Variants in ERMARD observed in about 807,000 individuals in gnomAD.
The protein encoded by ERMARD is endoplasmic reticulum membrane-associated RNA degradation protein.
A neutral mutation model predicts 83.9 loss-of-function variants in ERMARD; 71 were observed. The ratio of observed to expected loss-of-function variants is 0.85; its 90% confidence interval spans 0.70 to 1.03. The LOEUF is 1.03. ERMARD is among the 50% of genes least tolerant of loss of function. ERMARD has a pLI of 0.00. For missense variants in ERMARD, 838 were observed against 810.9 expected (o/e 1.03, Z -0.41); for synonymous variants, 284 against 298.6 (o/e 0.95, Z 0.50).
At chr6:169,773,010 T>C (rs1358182356) in intron 12 of ERMARD, 1 of 299,702 alleles carries the variant, frequency 3.3e-6, no homozygotes, top group African/African-American at 2.1e-5. Context: ...TTTAAGTAAC[T>C]ATTTCCTAGT....
intron 14 of ERMARD, 52 bp from the exon 15 acceptor site, chr6:169,775,888 T>G: frequency 6.2e-7 from 1 of 1,601,300 alleles, no homozygotes. Flanking sequence ...GCACAGGCAC[T>G]GATGTGAGCA....
intron 8 of ERMARD, among the ~76,000 whole-genome samples, chr6:169,761,656 T>G (rs1408967974): frequency 1.4e-5 from 2 of 140,596 alleles, no homozygotes; most frequent in Non-Finnish European, 3.1e-5. Context: ...AGTGAAACTT[T>G]TGTTCTATGT....
intron 16 of ERMARD, among the ~76,000 whole-genome samples, 166 bp from the exon 17 acceptor site, chr6:169,779,016 A>C (rs926890174): frequency 6.6e-6 from 1 of 152,276 alleles, no homozygotes; most frequent in Non-Finnish European, 1.5e-5. Flanking sequence ...CCTGCCGGCC[A>C]CGGGCCTCGG....
chr6:169,751,472 C>T, upstream of ERMARD: 1 of 1,612,920 alleles, frequency 6.2e-7, no homozygotes, highest in Non-Finnish European at 8.5e-7. Context: ...GCTCTGTTCT[C>T]CAAGACGCCC....
rs537038839 is a variant in ERMARD at position 169,781,376 on chromosome 6, A to C, written c.1900A>C (p.Thr634Pro). 11 of 1,612,698 alleles carry C rather than the reference A, an allele frequency of 6.8e-6. No homozygotes were observed. The Admixed American group carries it at 8.4e-5, about 12-fold the overall frequency. Reference sequence around the variant, plus strand: ...GTACACGGAGAACCTGGTGGCTTACACCAGTTACGAAAAGAACAAGTGGAA... The same window carrying C: ...GTACACGGAGAACCTGGTGGCTTACCCCAGTTACGAAAAGAACAAGTGGAA... The part of the protein sequence containing the change: ...LQYTENLVAY[T>P]SYEKNKWNET... Residue 634 changes from threonine to proline, a missense_variant, in exon 18 of 18, where the codon ACC becomes CCC. Coordinates refer to ENST00000366773, the MANE Select transcript of ERMARD (RefSeq NM_018341.3).
Position 169,776,515 on chromosome 6 carries a change from G to T in ERMARD, c.1581G>T (p.Arg527Ser). The change falls in exon 16 of 18, where the codon AGG becomes AGT. Residue 527 changes from arginine (R) to serine (S), a missense_variant. Arg to Ser is a moderately radical substitution (Grantham distance 110). Transcript: ENST00000366773. ...STPVPTLFCP[R>S]IVLEVLVVLR... ...CTGTTCCCACCCTGTTCTGCCCCAG[G>T]ATTGTGCTGGAAGTGCTGGTTGTGC... 1 of 1,614,198 alleles carries T rather than the reference G, an allele frequency of 6.2e-7. No homozygotes were observed. The highest frequency in any genetic ancestry group is 8.5e-7 in the Non-Finnish European group (1 of 1,180,042).
intron 9 of ERMARD, among the ~76,000 whole-genome samples, chr6:169,763,818 GC>G (rs1400250184): frequency 2.0e-5 from 3 of 152,250 alleles, no homozygotes; most frequent in African/African-American, 7.2e-5. Flanking sequence ...TTTGGACCCA[GC>G]AAAAGCAGTG....
At chr6:169,762,659 TG>T in intron 9 of ERMARD, 128 bp downstream of exon 9, 1 of 691,048 alleles carries the variant, frequency 1.4e-6, no homozygotes, top group Non-Finnish European at 2.4e-6. Context: ...CTAAGAACTG[TG>T]GAAGGCCTAT....
chr6:169,756,480 T>A (rs1276376906), intron 4 of ERMARD, 41 bp downstream of exon 4: 2 of 1,391,472 alleles, frequency 1.4e-6, no homozygotes, highest in Admixed American at 4.0e-5. Context: ...CATTAAATTA[T>A]CTGAATGAAC....
chr6:169,768,825 CATTA>C (rs1447717344), intron 11 of ERMARD, among the ~76,000 whole-genome samples: 2 of 152,252 alleles, frequency 1.3e-5, no homozygotes, highest in Admixed American at 6.5e-5. Context: ...AAAAGAGGAT[CATTA>C]ATTGTTTAAG....
rs144908519 is a variant in ERMARD at position 169,776,025 on chromosome 6, C to G, written c.1480C>G (p.Arg494Gly). ...GCTGTATCACCATATGCCTGAGAAT[C>G]GTTGTGTGTTAAAGGACTTGGATCG... The part of the protein sequence containing the change: ...DELYHHMPEN[R>G]CVLKDLDRLP... Residue 494 changes from arginine (R) to glycine (G), a missense_variant, in exon 15 of 18, where the codon CGT becomes GGT. By Grantham distance (125) the Arg-to-Gly change is moderately radical. Coordinates refer to ENST00000366773, the MANE Select transcript of ERMARD (RefSeq NM_018341.3). 651 of 1,614,174 alleles carry G rather than the reference C, an allele frequency of 4.0e-4. 2 individuals are homozygous for G. Among genetic ancestry groups the G allele is most frequent in the Non-Finnish European group, 2.9e-4 (346 of 1,180,032 alleles).
chr6:169,768,220 C>T lies in ERMARD; in HGVS notation c.1059+49C>T, dbSNP rs200951512. 1,312 of 1,492,308 alleles carry T rather than the reference C, an allele frequency of 8.8e-4. 1 individual carries two copies. The highest frequency in any genetic ancestry group is 1.2e-3 in the Non-Finnish European group (1,265 of 1,079,020). The allele number at this position is 1,492,308 out of a possible 1,614,324, so 92.4% of individuals were successfully genotyped here. On this transcript the variant is annotated intron_variant, in intron 11 of 17. Transcript: ENST00000366773. ...CTAATATTCTTGTATTTATGGATGTCGTCAGCACTTCTCTAAAATTAAATT... is the reference window on the plus strand; with the variant it reads ...CTAATATTCTTGTATTTATGGATGTTGTCAGCACTTCTCTAAAATTAAATT...
At position 169,756,398 on chromosome 6, in the gene ERMARD, T is replaced by G; in HGVS notation, c.376T>G (p.Leu126Val). 1 of 1,612,160 alleles carries G rather than the reference T, an allele frequency of 6.2e-7. No homozygotes were observed. The highest frequency in any genetic ancestry group is 8.5e-7 in the Non-Finnish European group (1 of 1,179,398). ...ACAATCTCCTGCTATTTCTCTTAGCTTAATGAAACTGACATCGTGTCTAGA... is the reference window on the plus strand; with the variant it reads ...ACAATCTCCTGCTATTTCTCTTAGCGTAATGAAACTGACATCGTGTCTAGA... ...SLQSPAISLS[L>V]MKLTSCLERA... The change falls in exon 4 of 18, where the codon TTA becomes GTA. Residue 126 changes from leucine to valine, a missense_variant. By Grantham distance (32) the Leu-to-Val change is conservative. Coordinates refer to ENST00000366773, the MANE Select transcript of ERMARD (RefSeq NM_018341.3).
At position 169,773,366 on chromosome 6, in the gene ERMARD, T is replaced by G; in HGVS notation, c.1281T>G (p.Ser427Arg). ...ELLISLAEGY[S>R]SRCHPVFQLK... is the part of the protein sequence containing the mutation. Reference sequence around the variant, plus strand: ...TGATTAGTCTTGCAGAAGGCTATAGTTCTCGCTGTCATCCGGTTTTTCAGC... The same window carrying G: ...TGATTAGTCTTGCAGAAGGCTATAGGTCTCGCTGTCATCCGGTTTTTCAGC... Residue 427 changes from serine (S) to arginine (R), a missense_variant, in exon 13 of 18, where the codon AGT becomes AGG. Physicochemically the swap from Ser to Arg is moderately radical, Grantham distance 110 (BLOSUM62 -1). Coordinates refer to ENST00000366773, the MANE Select transcript of ERMARD (RefSeq NM_018341.3). 2 of 1,614,228 alleles carry G rather than the reference T, an allele frequency of 1.2e-6. No homozygotes were observed. Among genetic ancestry groups the G allele is most frequent in the South Asian group, 2.2e-5 (2 of 91,072 alleles).
intron 17 of ERMARD, among the ~76,000 whole-genome samples, 176 bp downstream of exon 17, chr6:169,779,471 A>T (rs1793959658): frequency 6.6e-6 from 1 of 151,688 alleles, no homozygotes; most frequent in South Asian, 2.1e-4. Context: ...CAAATGTCTC[A>T]AAACCATGTT....
chr6:169,780,116 G>C (rs1477146432), intron 17 of ERMARD, among the ~76,000 whole-genome samples: 1 of 134,194 alleles, frequency 7.5e-6, no homozygotes, highest in Non-Finnish European at 1.6e-5. Context: ...TGCTGAGAGT[G>C]AGGGAGCAAA....
chr6:169,751,376 C>G, upstream of ERMARD: 1 of 1,614,170 alleles, frequency 6.2e-7, no homozygotes, highest in South Asian at 1.1e-5. Flanking sequence ...CCTTTCTTTC[C>G]TAGGCGTCAC....
rs147781275 is a variant in ERMARD at position 169,779,236 on chromosome 6, G to A, written c.1794G>A (p.Glu598=). Reference sequence around the variant, plus strand: ...TGATACTGTTACTCATTGCGCTGGAGTTGGTCAACATTCATGCTGTTTGTG... The same window carrying A: ...TGATACTGTTACTCATTGCGCTGGAATTGGTCAACATTCATGCTGTTTGTG... ...LSLILLLIAL[E]LVNIHAVCGK... The change falls in exon 17 of 18, where the codon GAG becomes GAA. Residue 598 remains glutamate, a synonymous_variant. Coordinates refer to ENST00000366773, the MANE Select transcript of ERMARD (RefSeq NM_018341.3). 39 of 1,614,244 alleles carry A rather than the reference G, an allele frequency of 2.4e-5. No individual in the cohort carries two copies. The African/African-American group carries it at 4.4e-4, about 18-fold the overall frequency.
intron 12 of ERMARD, chr6:169,771,400 C>T (rs1208907546): frequency 6.6e-6 from 1 of 152,016 alleles, no homozygotes; most frequent in African/African-American, 2.4e-5. Context: ...TCTTCATTTT[C>T]CATTTACGTC....
Sources: gnomAD v4.1 joint callset for allele counts (sites outside exome capture counted in the v4.1 genomes callset) on GRCh38, gnomAD v4.1.1 for gene constraint, MANE v1.5 for transcripts, NCBI Gene and HGNC (gene_info 2026-07-23, HGNC 2026-07-21) for gene names.